ABI1: variants seen among roughly 807,000 people sequenced by gnomAD.
ABI1 encodes the protein Abelson interactor 1.
ABI1 carries 14 observed loss-of-function variants against 54.6 expected under a neutral mutation model. That is an observed-to-expected ratio of 0.26 (90% confidence interval 0.17 to 0.40). ABI1 has a LOEUF of 0.40. Among genes scored for constraint, ABI1 ranks in the 10% least tolerant of loss-of-function variants. The pLI is 1.00. For synonymous variants in ABI1, 194 were observed against 209.3 expected, an observed-to-expected ratio of 0.93 and a Z score of 0.63; for missense variants, 443 against 598.3, an observed-to-expected ratio of 0.74 and a Z score of 2.71.
chr10:26,782,242 T>A (rs1451266468), intron 2 of ABI1, among the ~76,000 whole-genome samples: 2 of 152,156 alleles, frequency 1.3e-5, no homozygotes, highest in African/African-American at 4.8e-5. Context: ...ACACCTTTTA[T>A]CACAAAAGTC....
In ABI1 at chr10:26,770,938, G is replaced by C. The variant is rs111945804; in HGVS notation, c.477+137C>G. ...AATGTTGCTTATTTGAACTGAACTTGAGTATTAAATAATCTACATAAATCC... is the reference window on the plus strand; with the variant it reads ...AATGTTGCTTATTTGAACTGAACTTCAGTATTAAATAATCTACATAAATCC... On this transcript the variant is annotated intron_variant, in intron 4 of 10. Coordinates refer to ENST00000376140, the MANE Select transcript of ABI1 (RefSeq NM_001012750.3). 7.4e-4 allele frequency: 624 copies of C among 844,880 alleles called. 2 individuals carry two copies. The African/African-American group carries it at 9.8e-3, about 13-fold the overall frequency. 52.3% of individuals were successfully genotyped at this position (844,880 alleles called of 1,614,324 possible).
At chr10:26,808,902 CG>C (rs1352448611) in intron 2 of ABI1, among the ~76,000 whole-genome samples, 1 of 151,718 alleles carries the variant, frequency 6.6e-6, no homozygotes, top group Non-Finnish European at 1.5e-5. Flanking sequence ...TAATAAAGGA[CG>C]GGGAGACAGA....
intron 2 of ABI1, among the ~76,000 whole-genome samples, chr10:26,815,796 A>G (rs1187580669): frequency 6.6e-6 from 1 of 152,194 alleles, no homozygotes; most frequent in Non-Finnish European, 1.5e-5. Context: ...CTGTGGTCCC[A>G]GCTACTCAGG....
intron 2 of ABI1, among the ~76,000 whole-genome samples, chr10:26,799,132 TATG>T (rs1182588480): frequency 6.6e-6 from 1 of 152,172 alleles, no homozygotes; most frequent in East Asian, 1.9e-4. Flanking sequence ...AATCCAGTTA[TATG>T]ATTTCTTAGA....
At chr10:26,765,510 C>T (rs1359843366) in intron 6 of ABI1, among the ~76,000 whole-genome samples, 192 bp from the exon 7 acceptor site, 2 of 152,122 alleles carry the variant, frequency 1.3e-5, no homozygotes, top group Non-Finnish European at 2.9e-5. Flanking sequence ...GTTGGCCCTA[C>T]AGAACCAGTG....
intron 1 of ABI1, among the ~76,000 whole-genome samples, chr10:26,835,284 A>G (rs1196570867): frequency 1.3e-5 from 2 of 152,026 alleles, no homozygotes; most frequent in Non-Finnish European, 2.9e-5. Flanking sequence ...TCCTCAAAAA[A>G]CTAAAATTAG....
At chr10:26,858,930 A>C (rs980756390) in intron 1 of ABI1, among the ~76,000 whole-genome samples, 2 of 152,214 alleles carry the variant, frequency 1.3e-5, no homozygotes, top group African/African-American at 4.8e-5. Flanking sequence ...CAGAGAACAC[A>C]TAACTTTTCT....
chr10:26,761,661 T>TATATATATATATACACAC lies in ABI1; in HGVS notation c.821-2424_821-2423insGTGTGTATATATATATAT, dbSNP rs1375832167. Reference sequence around the variant, plus strand: ...ATATATATATATATATATATATATATACACACACACATACACATATATAAC... The same window carrying TATATATATATATACACAC: ...ATATATATATATATATATATATATATATATATATATATACACACACACACACACATACACATATATAAC... On this transcript the variant is annotated intron_variant, in intron 7 of 10. Transcript: ENST00000376140. 8.4e-4 allele frequency among the ~76,000 whole-genome samples: 66 copies of TATATATATATATACACAC among 78,878 alleles called. 1 individual carries two copies. Among genetic ancestry groups the TATATATATATATACACAC allele is most frequent in the South Asian group, 1.0e-3 (2 of 1,974 alleles). 51.7% of individuals were successfully genotyped at this position (78,878 alleles called of 152,430 possible).
At chr10:26,768,230 ATTT>A (rs1564471911) in intron 6 of ABI1, among the ~76,000 whole-genome samples, 1 of 151,836 alleles carries the variant, frequency 6.6e-6, no homozygotes, top group Non-Finnish European at 1.5e-5. Flanking sequence ...TTTGCCTTGA[ATTT>A]TTTTAAAAGA....
In ABI1 at chr10:26,795,819, C is replaced by A. The variant is rs1844083127; in HGVS notation, c.286-18578G>T. Reference sequence around the variant, plus strand: ...AATATTGTTAAAACAGCCATACTACCCAAAGCAATATACAGATTTAACCCA... The same window carrying A: ...AATATTGTTAAAACAGCCATACTACACAAAGCAATATACAGATTTAACCCA... On this transcript the variant is annotated intron_variant, in intron 2 of 10. Transcript: ENST00000376140. Among the ~76,000 whole-genome samples, 4 of 152,040 alleles carry A rather than the reference C, an allele frequency of 2.6e-5. No homozygotes were observed. The South Asian group carries it at 8.3e-4, about 32-fold the overall frequency.
rs185815303 is a variant in ABI1 at position 26,838,258 on chromosome 10, G to A, written c.118-14953C>T. ...AAGCTGGTCTGGAACTCCTGACCTC[G>A]TGATCCACCCACCTCAGCCTCCCGA... is the stretch of plus-strand genomic sequence containing the variant. On this transcript the variant is annotated intron_variant, in intron 1 of 10. Coordinates refer to ENST00000376140, the MANE Select transcript of ABI1 (RefSeq NM_001012750.3). Among the ~76,000 whole-genome samples the A allele has an allele frequency of 1.2e-3, 182 of 152,002 alleles. 1 individual carries two copies. The South Asian group carries it at 0.016, about 13-fold the overall frequency.
intron 2 of ABI1, among the ~76,000 whole-genome samples, chr10:26,818,653 C>T (rs1439739537): frequency 8.6e-6 from 1 of 116,004 alleles, no homozygotes; most frequent in Non-Finnish European, 1.7e-5. Context: ...AAAAAAAGAG[C>T]AAAGCATTGT....
intron 1 of ABI1, among the ~76,000 whole-genome samples, chr10:26,839,941 G>A (rs2049369179): frequency 6.6e-6 from 1 of 152,026 alleles, no homozygotes; most frequent in Admixed American, 6.6e-5. Context: ...AGTGAGCTAT[G>A]ATCACACGAC....
At chr10:26,780,741 G>A (rs79330761) in intron 2 of ABI1, among the ~76,000 whole-genome samples, 188 of 152,286 alleles carry the variant, frequency 1.2e-3, no homozygotes, top group Admixed American at 5.2e-3. Context: ...TAACTTTGGG[G>A]AGAGCACAGA....
At chr10:26,859,966 G>A (rs2051158801) in intron 1 of ABI1, among the ~76,000 whole-genome samples, 1 of 151,898 alleles carries the variant, frequency 6.6e-6, no homozygotes, top group South Asian at 2.1e-4. Context: ...ACATTATGGT[G>A]GGGCGGAAGT....
intron 2 of ABI1, among the ~76,000 whole-genome samples, chr10:26,779,271 C>T (rs753534909): frequency 1.3e-5 from 2 of 152,162 alleles, no homozygotes; most frequent in Non-Finnish European, 2.9e-5. Context: ...ATGAATGATC[C>T]TCCACTTTAG....
chr10:26,820,153 T>C (rs963831404), intron 2 of ABI1, among the ~76,000 whole-genome samples: 2 of 152,158 alleles, frequency 1.3e-5, no homozygotes, highest in African/African-American at 4.8e-5. Context: ...GTTGTAGACT[T>C]GAAATTTGCT....
chr10:26,848,904 C>T lies in ABI1; in HGVS notation c.117+11843G>A, dbSNP rs374113315. The stretch of plus-strand genomic sequence containing the variant: ...GATTACAGGCATGAGCCACCACGCC[C>T]GGCCAAGACTTTCTCCATAAGAAAC... On this transcript the variant is annotated intron_variant, in intron 1 of 10. Coordinates refer to ENST00000376140, the MANE Select transcript of ABI1 (RefSeq NM_001012750.3). Among the ~76,000 whole-genome samples, 38 of 152,264 alleles carry T rather than the reference C, an allele frequency of 2.5e-4. 1 individual carries two copies. Among genetic ancestry groups the T allele is most frequent in the Admixed American group, 1.5e-3 (23 of 15,280 alleles).
chr10:26,847,187 T>C (rs770152090), intron 1 of ABI1, among the ~76,000 whole-genome samples: 2 of 152,256 alleles, frequency 1.3e-5, no homozygotes, highest in African/African-American at 2.4e-5. Context: ...TTCATTTTAC[T>C]GTGCATTCCT....
Sources: allele counts gnomAD v4.1 joint callset (sites outside exome capture counted in the v4.1 genomes callset), GRCh38; gene constraint gnomAD v4.1.1; transcripts MANE v1.5; gene names NCBI Gene and HGNC (gene_info 2026-07-23, HGNC 2026-07-21).